CCDC178: variants seen among roughly 807,000 people sequenced by gnomAD.
The protein encoded by CCDC178 is coiled-coil domain-containing protein 178.
Under a neutral mutation model 117.4 loss-of-function variants are expected in CCDC178, and 126 were observed. The ratio of observed to expected loss-of-function variants is 1.07; its 90% CI spans 0.93 to 1.24. CCDC178 has a LOEUF of 1.24. CCDC178 is among the 50% of genes most tolerant of loss of function. CCDC178 has a pLI of 0.00. For synonymous variants in CCDC178, 283 were observed against 313.4 expected (o/e 0.90, Z 1.02); for missense variants, 1,030 against 986.9 (o/e 1.04, Z -0.59).
intron 20 of CCDC178, among the ~76,000 whole-genome samples, chr18:33,140,675 C>T (rs1345668563): frequency 2.0e-5 from 3 of 152,098 alleles, no homozygotes; most frequent in East Asian, 1.9e-4. Flanking sequence ...ATTTTACAGG[C>T]TTATAGAAGG....
At chr18:33,199,111 A>G (rs2058964940) in intron 20 of CCDC178, among the ~76,000 whole-genome samples, 1 of 152,020 alleles carries the variant, frequency 6.6e-6, no homozygotes, top group Non-Finnish European at 1.5e-5. Flanking sequence ...ATTTCAGAAT[A>G]CTAGATACAA....
chr18:33,294,947 C>A (rs1221245573), intron 11 of CCDC178, among the ~76,000 whole-genome samples: 2 of 152,122 alleles, frequency 1.3e-5, no homozygotes, highest in African/African-American at 4.8e-5. Context: ...CCCAGAAAAG[C>A]AGTTTATACT....
intron 20 of CCDC178, among the ~76,000 whole-genome samples, chr18:33,107,894 T>A (rs1309994367): frequency 6.6e-6 from 1 of 151,720 alleles, no homozygotes; most frequent in Non-Finnish European, 1.5e-5. Context: ...AATGTTAAAG[T>A]TTCTCAATAA....
At position 33,119,345 on chromosome 18, in the gene CCDC178, A is replaced by G. The variant is rs189044068; in HGVS notation, c.2239-26435T>C. Among the ~76,000 whole-genome samples the G allele has an allele frequency of 6.5e-4, 99 of 152,338 alleles. No individual in the cohort carries two copies. In the East Asian group the frequency reaches 0.017, roughly 26 times the overall value. On this transcript the variant is annotated intron_variant, in intron 20 of 22. Transcript: ENST00000383096. ...AAGAACTTAAACAAATTTACAAGAAAAAAACAACCCCATCAAAAAGTGGGC... is the reference window on the plus strand; with the variant it reads ...AAGAACTTAAACAAATTTACAAGAAGAAAACAACCCCATCAAAAAGTGGGC...
intron 14 of CCDC178, among the ~76,000 whole-genome samples, chr18:33,251,713 C>G (rs1031445028): frequency 6.6e-6 from 1 of 151,664 alleles, no homozygotes; most frequent in Non-Finnish European, 1.5e-5. Flanking sequence ...ATTCAAGTAA[C>G]TGTGGGCATT....
intron 21 of CCDC178, among the ~76,000 whole-genome samples, chr18:33,034,047 C>T (rs534327421): frequency 2.6e-5 from 4 of 152,032 alleles, no homozygotes; most frequent in South Asian, 2.1e-4. Context: ...CCTACAAACC[C>T]GTTTTTCCTC....
intron 5 of CCDC178, among the ~76,000 whole-genome samples, chr18:33,382,286 T>C (rs2063446602): frequency 6.6e-6 from 1 of 152,184 alleles, no homozygotes; most frequent in African/African-American, 2.4e-5. Context: ...TCCACCACTT[T>C]CCACATTGAG....
At chr18:32,945,603 T>C (rs988133597) in intron 22 of CCDC178, among the ~76,000 whole-genome samples, 2 of 152,198 alleles carry the variant, frequency 1.3e-5, no homozygotes, top group African/African-American at 2.4e-5. Flanking sequence ...TAAGCACAAT[T>C]TGGAGAAGGC....
intron 21 of CCDC178, among the ~76,000 whole-genome samples, chr18:33,007,233 G>A (rs1441455292): frequency 6.6e-6 from 1 of 151,850 alleles, no homozygotes; most frequent in Non-Finnish European, 1.5e-5. Context: ...CAACAACAAG[G>A]CCTGTGATCA....
chr18:33,043,904 C>T (rs1422820786), intron 21 of CCDC178, among the ~76,000 whole-genome samples: 1 of 151,706 alleles, frequency 6.6e-6, no homozygotes, highest in Non-Finnish European at 1.5e-5. Context: ...CAATCAAAAT[C>T]ATATGGCACT....
chr18:33,390,476 T>A (rs2144824517), intron 4 of CCDC178, among the ~76,000 whole-genome samples: 1 of 152,198 alleles, frequency 6.6e-6, no homozygotes, highest in African/African-American at 2.4e-5. Context: ...TACTCTGTAG[T>A]TATGCAATAA....
chr18:33,236,886 G>A (rs1055870822), intron 15 of CCDC178, among the ~76,000 whole-genome samples: 1 of 152,100 alleles, frequency 6.6e-6, no homozygotes. Context: ...AAGGTAAACA[G>A]AGGAACCTCA....
At chr18:33,146,583 C>A (rs900772218) in intron 20 of CCDC178, among the ~76,000 whole-genome samples, 3 of 152,026 alleles carry the variant, frequency 2.0e-5, no homozygotes, top group African/African-American at 7.3e-5. Flanking sequence ...CCCAGAAGGT[C>A]GAGGCTGCAG....
At chr18:33,115,808 C>T (rs2057849724) in intron 20 of CCDC178, among the ~76,000 whole-genome samples, 1 of 151,956 alleles carries the variant, frequency 6.6e-6, no homozygotes, top group Non-Finnish European at 1.5e-5. Flanking sequence ...CTGCCTCAGT[C>T]CAGGTCCATT....
intron 20 of CCDC178, among the ~76,000 whole-genome samples, chr18:33,132,037 T>C (rs754461852): frequency 1.3e-5 from 2 of 151,624 alleles, no homozygotes; most frequent in Non-Finnish European, 3.0e-5. Context: ...ATCTCTCTTT[T>C]TAGAACTGCT....
chr18:33,330,426 C>A (rs1183827767), intron 10 of CCDC178, among the ~76,000 whole-genome samples: 1 of 152,070 alleles, frequency 6.6e-6, no homozygotes, highest in East Asian at 1.9e-4. Context: ...GCCAAGAGGT[C>A]TAAACTCTCA....
At chr18:33,091,628 G>T (rs2057467816) in intron 21 of CCDC178, among the ~76,000 whole-genome samples, 1 of 151,764 alleles carries the variant, frequency 6.6e-6, no homozygotes, top group Non-Finnish European at 1.5e-5. Context: ...TCTTCATCTT[G>T]CTATCATTTC....
At chr18:33,279,163 T>C (rs1419171581) in intron 12 of CCDC178, among the ~76,000 whole-genome samples, 41 of 152,272 alleles carry the variant, frequency 2.7e-4, no homozygotes, top group Non-Finnish European at 2.9e-5. Flanking sequence ...GGAAGTCAAA[T>C]TGTCCCTGTT....
At chr18:33,083,974 G>A (rs2057338160) in intron 21 of CCDC178, among the ~76,000 whole-genome samples, 1 of 152,118 alleles carries the variant, frequency 6.6e-6, no homozygotes, top group Non-Finnish European at 1.5e-5. Context: ...ATTTGCAATT[G>A]CCCACAAACA....
Sources: allele counts gnomAD v4.1 joint callset (sites outside exome capture counted in the v4.1 genomes callset), GRCh38; gene constraint gnomAD v4.1.1; transcripts MANE v1.5; gene names NCBI Gene and HGNC (gene_info 2026-07-23, HGNC 2026-07-21).